TYW3: variants seen among roughly 807,000 people sequenced by gnomAD.
The protein encoded by TYW3 is tRNA-yW synthesizing protein 3 homolog.
Under a neutral mutation model 23.1 loss-of-function variants are expected in TYW3, and 26 were observed. That is an observed-to-expected ratio of 1.13 (90% CI 0.83 to 1.56). The LOEUF (loss-of-function observed/expected upper bound fraction) is 1.56. Ranked by LOEUF, TYW3 falls within the 40% of genes most tolerant of loss-of-function variation. TYW3 has a pLI of 0.00. For missense variants in TYW3, 316 were observed against 311.9 expected (o/e 1.01, Z -0.10); for synonymous variants, 102 against 105.7 (o/e 0.97, Z 0.21).
At chr1:74,762,208 A>G (rs2100779613) in intron 5 of TYW3, among the ~76,000 whole-genome samples, 1 of 152,244 alleles carries the variant, frequency 6.6e-6, no homozygotes, top group East Asian at 1.9e-4. Flanking sequence ...TATATGTATT[A>G]GAGTTAGGTG....
Position 74,747,897 on chromosome 1 carries a change from A to G in TYW3, c.355-854A>G, listed in dbSNP as rs1277581111. On this transcript the variant is annotated intron_variant, in intron 3 of 5. Coordinates refer to ENST00000370867, the MANE Select transcript of TYW3 (RefSeq NM_138467.3). ...CATACACACACATATACACATATAC[A>G]CACATATATACACACGTATATACAT... Among the ~76,000 whole-genome samples, 3 of 150,300 alleles carry G rather than the reference A, an allele frequency of 2.0e-5. No homozygotes were observed. The East Asian group carries it at 5.8e-4, about 29-fold the overall frequency.
chr1:74,752,271 T>C lies in TYW3; in HGVS notation c.427-21T>C, dbSNP rs781550475. On this transcript the variant is annotated intron_variant, in intron 4 of 5. Coordinates refer to ENST00000370867, the MANE Select transcript of TYW3 (RefSeq NM_138467.3). ...TCTGTGGTATCTAAGTCTTCATATCTAAATTGTTTTTTCCTTGTAGGCTGT... is the reference window on the plus strand; with the variant it reads ...TCTGTGGTATCTAAGTCTTCATATCCAAATTGTTTTTTCCTTGTAGGCTGT... 9 of 1,579,802 alleles carry C rather than the reference T, an allele frequency of 5.7e-6. No individual in the cohort carries two copies. In the East Asian group the frequency reaches 2.0e-4, roughly 36 times the overall value.
intron 5 of TYW3, among the ~76,000 whole-genome samples, chr1:74,760,814 G>A (rs1649114523): frequency 6.6e-6 from 1 of 152,210 alleles, no homozygotes; most frequent in African/African-American, 2.4e-5. Context: ...AAATAAAATT[G>A]TGCCTCAGTT....
intron 3 of TYW3, among the ~76,000 whole-genome samples, chr1:74,746,713 T>A (rs1557745743): frequency 1.3e-5 from 2 of 152,172 alleles, no homozygotes; most frequent in Non-Finnish European, 2.9e-5. Context: ...AGAAGGGCAC[T>A]CCACTAGAGA....
At chr1:74,760,755 AT>A (rs1230851185) in intron 5 of TYW3, among the ~76,000 whole-genome samples, 1 of 152,236 alleles carries the variant, frequency 6.6e-6, no homozygotes, top group Non-Finnish European at 1.5e-5. Flanking sequence ...ATCTAAATAC[AT>A]ATTAGAATAG....
chr1:74,734,992 T>C (rs933017049), intron 1 of TYW3, among the ~76,000 whole-genome samples: 1 of 152,220 alleles, frequency 6.6e-6, no homozygotes, highest in Non-Finnish European at 1.5e-5. Context: ...CCTGTTCATT[T>C]TTAAATCACT....
chr1:74,763,930 A>G lies in TYW3; in HGVS notation c.597A>G (p.Glu199=). 6.2e-7 allele frequency: 1 copy of G among 1,606,024 alleles called. No homozygotes were observed. Among genetic ancestry groups the G allele is most frequent in the Non-Finnish European group, 8.5e-7 (1 of 1,177,942 alleles). Residue 199 remains glutamate, a synonymous_variant, in exon 6 of 6, where the codon GAA becomes GAG. Transcript: ENST00000370867. Reference sequence around the variant, plus strand: ...GCCTACAGCATGCTTTGGAAAGGGAAACGATGACTAACTTACATCCCAAGA... The same window carrying G: ...GCCTACAGCATGCTTTGGAAAGGGAGACGATGACTAACTTACATCCCAAGA... ...YNCLQHALER[E]TMTNLHPKIK...
At chr1:74,754,362 A>G (rs1648884228) in intron 5 of TYW3, among the ~76,000 whole-genome samples, 1 of 152,236 alleles carries the variant, frequency 6.6e-6, no homozygotes, top group Non-Finnish European at 1.5e-5. Context: ...CACGCTTATC[A>G]TATAAAATCA....
intron 3 of TYW3, among the ~76,000 whole-genome samples, chr1:74,747,365 C>T (rs183337400): frequency 5.3e-5 from 8 of 152,126 alleles, no homozygotes; most frequent in Admixed American, 4.6e-4. Flanking sequence ...GGGCCAGGCG[C>T]GGTGGCTCAC....
chr1:74,741,674 T>C (rs1314223582), intron 3 of TYW3, among the ~76,000 whole-genome samples: 1 of 152,252 alleles, frequency 6.6e-6, no homozygotes, highest in Admixed American at 6.5e-5. Context: ...TTTGACCAAG[T>C]TGGCCATTTC....
At chr1:74,740,725 A>G (rs1419471056) in intron 3 of TYW3, among the ~76,000 whole-genome samples, 1 of 152,178 alleles carries the variant, frequency 6.6e-6, no homozygotes, top group Non-Finnish European at 1.5e-5. Context: ...TCCTTTAGCT[A>G]GACACAGAGC....
chr1:74,733,610 C>G lies in TYW3; in HGVS notation c.174+192C>G, dbSNP rs549442684. 9 of 952,534 alleles carry G rather than the reference C, an allele frequency of 9.4e-6. No individual in the cohort carries two copies. In the African/African-American group the frequency reaches 1.4e-4, roughly 15 times the overall value. 59.0% of individuals were successfully genotyped at this position (952,534 alleles called of 1,614,324 possible). The stretch of plus-strand genomic sequence containing the variant: ...AAAGTTTAACGTGGCTATTAATCAG[C>G]TGAGCATCTTTTAAAATACAGATCC... On this transcript the variant is annotated intron_variant, in intron 1 of 5. Coordinates refer to ENST00000370867, the MANE Select transcript of TYW3 (RefSeq NM_138467.3).
At position 74,766,319 on chromosome 1, in the gene TYW3, A is replaced by C. The variant is rs948080139; in HGVS notation, c.*2206A>C. The C allele has an allele frequency of 6.6e-6, 1 of 152,144 alleles. No individual in the cohort carries two copies. Among genetic ancestry groups the C allele is most frequent in the African/African-American group, 2.4e-5 (1 of 41,442 alleles). 9.4% of individuals were successfully genotyped at this position (152,144 alleles called of 1,614,324 possible). A position where few individuals can be genotyped will look rare whatever the true frequency, so the allele number is the denominator to read the frequency against. On this transcript the variant is annotated 3_prime_UTR_variant, in exon 6 of 6. Coordinates refer to ENST00000370867, the MANE Select transcript of TYW3 (RefSeq NM_138467.3). ...GTCCTTCAGGAAGTACTCCAGAAGA[A>C]GGCATTGTTATCATAGAAGGTGACA...
rs148845633 is a variant in TYW3, at chr1:74,734,662, C to T, written c.174+1244C>T. 5.5e-3 allele frequency among the ~76,000 whole-genome samples: 840 copies of T among 152,256 alleles called. 7 individuals are homozygous for T. Among genetic ancestry groups the T allele is most frequent in the African/African-American group, 0.019 (780 of 41,552 alleles). Reference sequence around the variant, plus strand: ...GACATATCCCCTGAGGATAAGGCTGCTTGGGAGTGATACTGCTTAGATTAA... The same window carrying T: ...GACATATCCCCTGAGGATAAGGCTGTTTGGGAGTGATACTGCTTAGATTAA... On this transcript the variant is annotated intron_variant, in intron 1 of 5. Coordinates refer to ENST00000370867, the MANE Select transcript of TYW3 (RefSeq NM_138467.3).
chr1:74,748,633 A>G, intron 3 of TYW3, 118 bp from the exon 4 acceptor site: 1 of 1,017,536 alleles, frequency 9.8e-7, no homozygotes, highest in East Asian at 2.6e-5. Context: ...TAGACGAAAA[A>G]TTTTTTTAAA....
At chr1:74,748,698 G>T (rs1352771741) in intron 3 of TYW3, 53 bp from the exon 4 acceptor site, 1 of 1,548,590 alleles carries the variant, frequency 6.5e-7, no homozygotes, top group Non-Finnish European at 8.9e-7. Flanking sequence ...GAGCCAAACA[G>T]ATGATCTGGT....
intron 2 of TYW3, 56 bp from the exon 3 acceptor site, chr1:74,738,634 G>T: frequency 8.0e-7 from 1 of 1,245,668 alleles, no homozygotes; most frequent in African/African-American, 1.5e-5. Flanking sequence ...TGGGGTAAAG[G>T]GTCGCCAAAG....
intron 4 of TYW3, 76 bp from the exon 5 acceptor site, chr1:74,752,216 G>A: frequency 2.1e-6 from 3 of 1,457,636 alleles, no homozygotes; most frequent in Non-Finnish European, 2.8e-6. Flanking sequence ...ACACAGCCCT[G>A]ACGGGACTTT....
In TYW3 at chr1:74,756,614, G is replaced by A. The variant is rs564908441; in HGVS notation, c.560+4189G>A. ...CTGTTAAACACATTCAGTTTTATAA[G>A]GGAAGCAGAGCATAAAAGTTTTGAA... On this transcript the variant is annotated intron_variant, in intron 5 of 5. Transcript: ENST00000370867. Among the ~76,000 whole-genome samples the A allele has an allele frequency of 5.9e-5, 9 of 152,266 alleles. No individual in the cohort carries two copies. The East Asian group carries it at 1.7e-3, about 29-fold the overall frequency.
Sources: gnomAD v4.1 joint callset for allele counts (sites outside exome capture counted in the v4.1 genomes callset) on GRCh38, gnomAD v4.1.1 for gene constraint, MANE v1.5 for transcripts, NCBI Gene and HGNC (gene_info 2026-07-23, HGNC 2026-07-21) for gene names.